Variants in LRRIQ4 observed in about 807,000 individuals in gnomAD.
The protein encoded by LRRIQ4 is leucine-rich repeat and IQ domain-containing protein 4.
A neutral mutation model predicts 40.1 loss-of-function variants in LRRIQ4; 21 were observed. The ratio of observed to expected loss-of-function variants is 0.52; its 90% CI spans 0.37 to 0.75. The LOEUF (loss-of-function observed/expected upper bound fraction) is 0.75, where lower values mean the gene tolerates loss of function less well. Ranked by LOEUF, LRRIQ4 falls within the 30% of genes least tolerant of loss-of-function variation. The pLI, the probability that LRRIQ4 is intolerant of heterozygous loss-of-function variation, is 0.00. For missense variants in LRRIQ4, 655 were observed against 660.0 expected (o/e 0.99, Z 0.08); for synonymous variants, 277 against 277.1 (o/e 1.00, Z 0.00).
chr3:169,837,416 T>A (rs1780331871), intron 5 of LRRIQ4, 63 bp from the exon 6 acceptor site: 1 of 1,512,728 alleles, frequency 6.6e-7, no homozygotes, highest in Non-Finnish European at 8.9e-7. Context: ...ATAAAGAGAT[T>A]TAACAATTTC....
At chr3:169,826,749 T>G (rs533951946) in intron 2 of LRRIQ4, among the ~76,000 whole-genome samples, 2 of 152,378 alleles carry the variant, frequency 1.3e-5, no homozygotes, top group African/African-American at 4.8e-5. Context: ...GCAGGCATTT[T>G]GTATTGAAGA....
At chr3:169,829,040 T>A in intron 3 of LRRIQ4, 108 bp downstream of exon 3, 1 of 982,442 alleles carries the variant, frequency 1.0e-6, no homozygotes, top group African/African-American at 1.7e-5. Context: ...GAATCATCCA[T>A]ACTAGATTTC....
At position 169,822,289 on chromosome 3, in the gene LRRIQ4, T is replaced by G. The variant is rs752337887; in HGVS notation, c.368T>G (p.Leu123Arg). Residue 123 changes from leucine to arginine, a missense_variant, in exon 2 of 6, where the codon CTC (leucine) becomes CGC (arginine). Physicochemically the swap from Leu to Arg is moderately radical, Grantham distance 102. Transcript: ENST00000340806. ...AGCTTCCTCCACGCCCTGCGCGAGC[T>G]CCGGCTCTACCAGACCGACCTGAAG... Reference protein sequence around the residue: ...VVSFLHALRELRLYQTDLKEI... With the variant: ...VVSFLHALRERRLYQTDLKEI... The G allele has an allele frequency of 1.9e-6, 3 of 1,613,510 alleles. No individual in the cohort carries two copies. The highest frequency in any genetic ancestry group is 1.7e-5 in the Admixed American group (1 of 59,894).
Position 169,822,713 on chromosome 3 carries a change from G to A in LRRIQ4, c.792G>A (p.Leu264=), listed in dbSNP as rs780834213. Residue 264 remains leucine (L), a synonymous_variant, in exon 2 of 6, where the codon CTG becomes CTA. Coordinates refer to ENST00000340806, the MANE Select transcript of LRRIQ4 (RefSeq NM_001080460.3). Reference sequence around the variant, plus strand: ...TCAGGAAGATGACGGAAATCGGGCTGAGCGGGAACCGCCTGGAGAAGGTGC... The same window carrying A: ...TCAGGAAGATGACGGAAATCGGGCTAAGCGGGAACCGCCTGGAGAAGGTGC... The part of the protein sequence containing the change: ...AELRKMTEIG[L]SGNRLEKVPR... 2.5e-5 allele frequency: 40 copies of A among 1,613,956 alleles called. No individual in the cohort carries two copies. The highest frequency in any genetic ancestry group is 3.3e-4 in the Middle Eastern group (2 of 6,062).
Position 169,825,078 on chromosome 3 carries a change from G to A in LRRIQ4, c.1020+2137G>A, listed in dbSNP as rs140920243. On this transcript the variant is annotated intron_variant, in intron 2 of 5. Transcript: ENST00000340806. Reference sequence around the variant, plus strand: ...GCTGGAGTACAATGGCGCCATCTCAGCTCACTGCAACCTCCACCTCCCAGG... The same window carrying A: ...GCTGGAGTACAATGGCGCCATCTCAACTCACTGCAACCTCCACCTCCCAGG... 7.7e-3 allele frequency among the ~76,000 whole-genome samples: 1,155 copies of A among 149,112 alleles called. 21 individuals are homozygous for A. Among genetic ancestry groups the A allele is most frequent in the East Asian group, 0.057 (287 of 5,050 alleles).
In LRRIQ4 at chr3:169,837,708, T is replaced by A; in HGVS notation, c.*77T>A. 2 of 1,095,352 alleles carry A rather than the reference T, an allele frequency of 1.8e-6. No individual in the cohort carries two copies. The highest frequency in any genetic ancestry group is 3.6e-5 in the South Asian group (2 of 56,140). The allele number at this position is 1,095,352 out of a possible 1,614,324, so 67.9% of individuals were successfully genotyped here. A position where few individuals can be genotyped will look rare whatever the true frequency, so the allele number is the denominator to read the frequency against. On this transcript the variant is annotated 3_prime_UTR_variant, in exon 6 of 6. Coordinates refer to ENST00000340806, the MANE Select transcript of LRRIQ4 (RefSeq NM_001080460.3). ...AAATATCTAGGAATTAGATGCCTACTACATTAAAATTATTCATAAAATTAC... is the reference window on the plus strand; with the variant it reads ...AAATATCTAGGAATTAGATGCCTACAACATTAAAATTATTCATAAAATTAC...
chr3:169,818,945 A>G (rs1779817695), intron 1 of LRRIQ4, among the ~76,000 whole-genome samples: 1 of 152,232 alleles, frequency 6.6e-6, no homozygotes, highest in Non-Finnish European at 1.5e-5. Context: ...AAAAGCATCA[A>G]CACTCACTGT....
chr3:169,835,931 T>C (rs1233657281), intron 5 of LRRIQ4, among the ~76,000 whole-genome samples: 1 of 152,194 alleles, frequency 6.6e-6, no homozygotes, highest in Non-Finnish European at 1.5e-5. Context: ...AACATTCTCT[T>C]ATCAGAGAGC....
In LRRIQ4 at chr3:169,837,486, C is replaced by A; in HGVS notation, c.1538C>A (p.Ala513Glu). Residue 513 changes from alanine (A) to glutamate (E), a missense_variant, in exon 6 of 6, where the codon GCA becomes GAA. Transcript: ENST00000340806. Reference protein sequence around the residue: ...NRNIMATKIQAWWRGTMVQRG... With the variant: ...NRNIMATKIQEWWRGTMVQRG... ...GGTTTATCTTGTTTTCAGATTCAGG[C>A]ATGGTGGCGTGGAACAATGGTACAG... is the stretch of plus-strand genomic sequence containing the variant. 6.2e-7 allele frequency: 1 copy of A among 1,604,876 alleles called. No homozygotes were observed.
In LRRIQ4 at chr3:169,822,539, G is replaced by GA. The variant is rs755522598; in HGVS notation, c.619dup (p.Ile207AsnfsTer15). ...ACAAAATAGGTGCCATCCCAGAAGA[G>GA]ATCGGACACCTGACGGGGCTGCAGA... On this transcript the variant is annotated frameshift_variant, in exon 2 of 6. Coordinates refer to ENST00000340806, the MANE Select transcript of LRRIQ4 (RefSeq NM_001080460.3). LOFTEE classifies it high-confidence loss of function. 6.2e-7 allele frequency: 1 copy of GA among 1,613,958 alleles called. No individual in the cohort carries two copies. Among genetic ancestry groups the GA allele is most frequent in the East Asian group, 2.2e-5 (1 of 44,884 alleles).
chr3:169,829,017 C>T (rs1780105741), intron 3 of LRRIQ4, 85 bp downstream of exon 3: 3 of 1,206,646 alleles, frequency 2.5e-6, no homozygotes, highest in Non-Finnish European at 3.5e-6. Context: ...GAGGTCTCCA[C>T]AGGCTGGATG....
At position 169,828,789 on chromosome 3, in the gene LRRIQ4, C is replaced by T; in HGVS notation, c.1051C>T (p.Leu351=). Residue 351 remains leucine, a synonymous_variant, in exon 3 of 6, where the codon CTG becomes TTG. Transcript: ENST00000340806. ...LPSELGSLSK[L]KILGLTGNEF... is the part of the protein sequence containing the mutation. ...TTCAGAATTGGGCTCACTTTCAAAACTGAAGATACTTGGACTAACAGGAAA... is the reference window on the plus strand; with the variant it reads ...TTCAGAATTGGGCTCACTTTCAAAATTGAAGATACTTGGACTAACAGGAAA... The T allele has an allele frequency of 3.1e-6, 5 of 1,613,072 alleles. No individual in the cohort carries two copies. In the South Asian group the frequency reaches 5.5e-5, roughly 18 times the overall value.
chr3:169,819,351 TACAC>T (rs142837625), intron 1 of LRRIQ4, among the ~76,000 whole-genome samples: 6 of 152,138 alleles, frequency 3.9e-5, no homozygotes, highest in African/African-American at 1.4e-4. Context: ...TGAGATAACA[TACAC>T]ACACAATCAG....
chr3:169,821,550 G>A (rs1361534045), intron 1 of LRRIQ4, among the ~76,000 whole-genome samples: 1 of 152,148 alleles, frequency 6.6e-6, no homozygotes, highest in South Asian at 2.1e-4. Flanking sequence ...CAGGAGAATC[G>A]AATCACTTGA....
chr3:169,828,564 A>G (rs1576767239), intron 2 of LRRIQ4, among the ~76,000 whole-genome samples, 195 bp from the exon 3 acceptor site: 1 of 152,328 alleles, frequency 6.6e-6, no homozygotes, highest in South Asian at 2.1e-4. Context: ...AAAGTGGTGC[A>G]TAAAAGTGAA....
intron 1 of LRRIQ4, among the ~76,000 whole-genome samples, chr3:169,816,000 G>A (rs992690227): frequency 6.6e-6 from 1 of 152,176 alleles, no homozygotes; most frequent in African/African-American, 2.4e-5. Context: ...ACTTGGTCAT[G>A]ATGAATGATT....
At chr3:169,831,539 T>G (rs1262147200) in intron 4 of LRRIQ4, among the ~76,000 whole-genome samples, 3 of 136,006 alleles carry the variant, frequency 2.2e-5, no homozygotes, top group African/African-American at 8.3e-5. Flanking sequence ...CCTGACCTCG[T>G]GATCTGCCCA....
intron 5 of LRRIQ4, among the ~76,000 whole-genome samples, chr3:169,834,382 T>A (rs1297904787): frequency 2.0e-5 from 3 of 152,202 alleles, no homozygotes; most frequent in Non-Finnish European, 4.4e-5. Flanking sequence ...TATTTCAGTG[T>A]GTATATGCTC....
intron 2 of LRRIQ4, among the ~76,000 whole-genome samples, chr3:169,827,286 A>C (rs906233926): frequency 6.6e-6 from 1 of 152,148 alleles, no homozygotes; most frequent in Non-Finnish European, 1.5e-5. Context: ...TAACACAGTC[A>C]ATAGGGTGAT....
Sources: allele counts gnomAD v4.1 joint callset (sites outside exome capture counted in the v4.1 genomes callset), GRCh38; gene constraint gnomAD v4.1.1; transcripts MANE v1.5; gene names NCBI Gene and HGNC (gene_info 2026-07-23, HGNC 2026-07-21).